Variants in KLHL24 observed in about 807,000 individuals in gnomAD.
The protein encoded by KLHL24 is kelch like family member 24.
Under a neutral mutation model 53.4 loss-of-function variants are expected in KLHL24, and 29 were observed. That is an observed-to-expected ratio of 0.54 (90% CI 0.40 to 0.74). KLHL24 has a LOEUF of 0.74. Among genes scored for constraint, KLHL24 ranks in the 30% least tolerant of loss-of-function variants. KLHL24 has a pLI of 0.00. For missense variants in KLHL24, 504 were observed against 744.0 expected (o/e 0.68, Z 3.75); for synonymous variants, 222 against 253.7 (o/e 0.88, Z 1.19).
At chr3:183,670,973 C>T (rs1449599446) in intron 5 of KLHL24, 61 bp from the exon 6 acceptor site, 4 of 1,163,314 alleles carry the variant, frequency 3.4e-6, no homozygotes, top group Non-Finnish European at 5.0e-6. Flanking sequence ...AATTCTTTAG[C>T]CAACTACTTC....
At chr3:183,644,621 A>G (rs1716967206) in intron 2 of KLHL24, among the ~76,000 whole-genome samples, 2 of 152,220 alleles carry the variant, frequency 1.3e-5, no homozygotes, top group Non-Finnish European at 2.9e-5. Flanking sequence ...GTGGAGAGGA[A>G]GACCTCTTTT....
intron 2 of KLHL24, among the ~76,000 whole-genome samples, chr3:183,648,184 A>C (rs1435307369): frequency 6.6e-6 from 1 of 152,204 alleles, no homozygotes; most frequent in Non-Finnish European, 1.5e-5. Context: ...GAAAATTGCA[A>C]GTATCTAGTG....
chr3:183,657,407 T>G (rs1719063798), intron 3 of KLHL24, among the ~76,000 whole-genome samples: 1 of 152,240 alleles, frequency 6.6e-6, no homozygotes, highest in Non-Finnish European at 1.5e-5. Flanking sequence ...GTCTCTTCTT[T>G]CTGCTATCTC....
At chr3:183,676,909 G>GT (rs1711986182) in intron 7 of KLHL24, among the ~76,000 whole-genome samples, 1 of 124,668 alleles carries the variant, frequency 8.0e-6, no homozygotes, top group Non-Finnish European at 1.6e-5. Context: ...AGGGTTTTTT[G>GT]GTTTTTTTTT....
At chr3:183,671,286 T>A (rs1239953442) in intron 6 of KLHL24, 64 bp downstream of exon 6, 3 of 1,440,246 alleles carry the variant, frequency 2.1e-6, no homozygotes, top group Non-Finnish European at 2.9e-6. Context: ...ACAGAAGGCT[T>A]ATCAAGTAGG....
chr3:183,640,332 A>T (rs1172986387), intron 1 of KLHL24, among the ~76,000 whole-genome samples: 2 of 151,866 alleles, frequency 1.3e-5, no homozygotes, highest in Non-Finnish European at 2.9e-5. Context: ...AGAAATTCAT[A>T]TTTTTTTTCC....
At chr3:183,664,547 A>G (rs13325329) in intron 4 of KLHL24, among the ~76,000 whole-genome samples, 1,852 of 152,176 alleles carry the variant, frequency 0.012, 28 homozygotes, top group African/African-American at 0.038. Flanking sequence ...TTTATTTTTT[A>G]CAATAGTATG....
chr3:183,674,283 CTTT>C (rs1721805444), intron 7 of KLHL24, among the ~76,000 whole-genome samples: 1 of 150,274 alleles, frequency 6.7e-6, no homozygotes, highest in Non-Finnish European at 1.5e-5. Context: ...TTCTTTCTTT[CTTT>C]CTTTCTTTCT....
intron 3 of KLHL24, among the ~76,000 whole-genome samples, chr3:183,659,539 A>G (rs1719403611): frequency 6.6e-6 from 1 of 152,218 alleles, no homozygotes; most frequent in African/African-American, 2.4e-5. Context: ...CTCAAGGAAG[A>G]AAAGGATACG....
chr3:183,641,204 A>G, intron 1 of KLHL24, among the ~76,000 whole-genome samples: 1 of 152,160 alleles, frequency 6.6e-6, no homozygotes, highest in East Asian at 1.9e-4. Context: ...TTTAAATAAA[A>G]GATGTACTGG....
At chr3:183,649,322 TC>T (rs924216212) in intron 2 of KLHL24, among the ~76,000 whole-genome samples, 3 of 152,210 alleles carry the variant, frequency 2.0e-5, no homozygotes, top group African/African-American at 4.8e-5. Context: ...GGTTACTACT[TC>T]CCCATGTCGT....
intron 5 of KLHL24, among the ~76,000 whole-genome samples, chr3:183,669,452 G>C (rs1308160387): frequency 6.6e-6 from 1 of 152,196 alleles, no homozygotes; most frequent in African/African-American, 2.4e-5. Context: ...CAAAGCCTGT[G>C]CCCTTAATTG....
chr3:183,664,744 T>C (rs547522505), intron 4 of KLHL24, among the ~76,000 whole-genome samples, 177 bp from the exon 5 acceptor site: 1 of 152,362 alleles, frequency 6.6e-6, no homozygotes, highest in Non-Finnish European at 1.5e-5. Flanking sequence ...AAATTTTCTC[T>C]GTAGAACTAT....
At chr3:183,675,502 C>T (rs924296739) in intron 7 of KLHL24, among the ~76,000 whole-genome samples, 14 of 152,136 alleles carry the variant, frequency 9.2e-5, no homozygotes, top group African/African-American at 2.9e-4. Context: ...CCTACAGAAG[C>T]GACAGTGTAC....
chr3:183,671,121 G>A lies in KLHL24; in HGVS notation c.1312G>A (p.Ala438Thr), dbSNP rs1171566731. 1 of 1,613,914 alleles carries A rather than the reference G, an allele frequency of 6.2e-7. No homozygotes were observed. The highest frequency in any genetic ancestry group is 8.5e-7 in the Non-Finnish European group (1 of 1,179,982). The change falls in exon 6 of 8, where the codon GCT (alanine) becomes ACT (threonine). Residue 438 changes from alanine to threonine, a missense_variant. By Grantham distance (58) the Ala-to-Thr change is moderately conservative. Transcript: ENST00000242810. ...DSFSNRWTEV[A>T]PLKEAVSSPA... ...CTTTTCAAATCGATGGACTGAAGTT[G>A]CTCCCCTTAAGGAAGCCGTGAGTTC...
intron 3 of KLHL24, among the ~76,000 whole-genome samples, chr3:183,658,741 A>G (rs1211748605): frequency 2.0e-5 from 3 of 152,108 alleles, no homozygotes. Flanking sequence ...GTTTTTGTAA[A>G]TCTTTGCTAC....
At chr3:183,674,577 G>T (rs1711532329) in intron 7 of KLHL24, among the ~76,000 whole-genome samples, 2 of 151,914 alleles carry the variant, frequency 1.3e-5, no homozygotes. Flanking sequence ...GACCAGGCTG[G>T]TCTCAAACTC....
intron 2 of KLHL24, among the ~76,000 whole-genome samples, chr3:183,649,223 A>G (rs930701582): frequency 1.8e-4 from 27 of 152,252 alleles, no homozygotes; most frequent in African/African-American, 6.5e-4. Context: ...AAAACATTTT[A>G]GCATATGTAC....
chr3:183,652,335 T>C (rs1448037105), intron 3 of KLHL24, among the ~76,000 whole-genome samples: 1 of 152,194 alleles, frequency 6.6e-6, no homozygotes, highest in Admixed American at 6.5e-5. Flanking sequence ...GGAATATTTA[T>C]TGTGAATAAG....
Sources: allele counts gnomAD v4.1 joint callset (sites outside exome capture counted in the v4.1 genomes callset), GRCh38; gene constraint gnomAD v4.1.1; transcripts MANE v1.5; gene names NCBI Gene and HGNC (gene_info 2026-07-23, HGNC 2026-07-21).